Variants in NDUFA9 observed in about 807,000 individuals in gnomAD.
NDUFA9 encodes the protein NADH dehydrogenase [ubiquinone] 1 alpha subcomplex subunit 9, mitochondrial.
Under a neutral mutation model 45.9 loss-of-function variants are expected in NDUFA9, and 23 were observed. The observed-to-expected ratio is 0.50, with a 90% CI of 0.36 to 0.71. NDUFA9 has a LOEUF of 0.71. Ranked by LOEUF, NDUFA9 falls within the 30% of genes least tolerant of loss-of-function variation. The pLI, the probability that NDUFA9 is intolerant of heterozygous loss-of-function variation, is 0.00. For missense variants in NDUFA9, 466 were observed against 488.2 expected, an observed-to-expected ratio of 0.95 and a Z score of 0.43; for synonymous variants, 176 against 170.5, an observed-to-expected ratio of 1.03 and a Z score of -0.25.
chr12:4,685,118 C>T (rs1225656093), intron 9 of NDUFA9, 141 bp from the exon 10 acceptor site: 3 of 752,922 alleles, frequency 4.0e-6, no homozygotes, highest in South Asian at 1.5e-5. Context: ...CCTCACAGGT[C>T]GAGGTGGTTA....
intron 8 of NDUFA9, among the ~76,000 whole-genome samples, chr12:4,674,552 C>G (rs187597764): frequency 6.6e-6 from 1 of 152,194 alleles, no homozygotes; most frequent in African/African-American, 2.4e-5. Flanking sequence ...GACTTTAAAC[C>G]AACAAAGATC....
At chr12:4,685,481 C>A (rs1591551457) in intron 10 of NDUFA9, among the ~76,000 whole-genome samples, 156 bp downstream of exon 10, 1 of 152,160 alleles carries the variant, frequency 6.6e-6, no homozygotes, top group East Asian at 1.9e-4. Context: ...ATCCACCTGC[C>A]CTGCTCCAGG....
intron 8 of NDUFA9, among the ~76,000 whole-genome samples, chr12:4,670,635 G>C (rs963246410): frequency 6.6e-6 from 1 of 152,162 alleles, no homozygotes; most frequent in African/African-American, 2.4e-5. Flanking sequence ...ACATTGTTAT[G>C]TTCCACTATT....
intron 9 of NDUFA9, among the ~76,000 whole-genome samples, chr12:4,684,418 G>GC (rs546381222): frequency 5.8e-4 from 89 of 152,204 alleles, no homozygotes; most frequent in Middle Eastern, 3.4e-3. Context: ...CAAACCCTTG[G>GC]CCCCCCAGGA....
chr12:4,664,777 A>G (rs1281072136), intron 6 of NDUFA9, among the ~76,000 whole-genome samples: 1 of 152,238 alleles, frequency 6.6e-6, no homozygotes, highest in Non-Finnish European at 1.5e-5. Flanking sequence ...TAGGCAAAGA[A>G]GATTATTGAT....
intron 5 of NDUFA9, 44 bp from the exon 6 acceptor site, chr12:4,662,489 A>G: frequency 2.1e-6 from 3 of 1,440,242 alleles, no homozygotes; most frequent in South Asian, 2.3e-5. Flanking sequence ...TGCTTTATTC[A>G]CTTGTCTCTA....
chr12:4,668,768 G>A, intron 7 of NDUFA9: 1 of 473,336 alleles, frequency 2.1e-6, no homozygotes, highest in Admixed American at 3.5e-5. Context: ...ATGTCACTAG[G>A]GAAATAAAGA....
intron 6 of NDUFA9, 34 bp downstream of exon 6, chr12:4,662,669 A>T: frequency 6.6e-7 from 1 of 1,517,886 alleles, no homozygotes; most frequent in Non-Finnish European, 9.1e-7. Flanking sequence ...GAAGAGAGGG[A>T]TACTGATTAA....
chr12:4,670,313 A>G (rs1945878727), intron 8 of NDUFA9, among the ~76,000 whole-genome samples: 1 of 152,232 alleles, frequency 6.6e-6, no homozygotes, highest in African/African-American at 2.4e-5. Context: ...CAGTTAAGCT[A>G]TGTGGCTTAC....
intron 1 of NDUFA9, among the ~76,000 whole-genome samples, chr12:4,652,920 T>A (rs1259838450): frequency 6.6e-6 from 1 of 152,258 alleles, no homozygotes; most frequent in Non-Finnish European, 1.5e-5. Flanking sequence ...GGAAGAACAA[T>A]GACCTTTGGG....
At chr12:4,657,532 G>A (rs1591543061) in intron 3 of NDUFA9, 2 of 507,832 alleles carry the variant, frequency 3.9e-6, no homozygotes, top group East Asian at 6.8e-5. Flanking sequence ...CCTGAGTAAA[G>A]TGTACTGTTA....
chr12:4,685,165 A>G, intron 9 of NDUFA9, 94 bp from the exon 10 acceptor site: 5 of 1,086,686 alleles, frequency 4.6e-6, no homozygotes. Context: ...AGACTGCTCT[A>G]CAGCGGTCTG....
In NDUFA9 at chr12:4,669,611, G is replaced by A. The variant is rs141903411; in HGVS notation, c.724-130G>A. The A allele has an allele frequency of 4.3e-4, 267 of 618,354 alleles. No homozygotes were observed. In the African/African-American group the frequency reaches 4.6e-3, roughly 11 times the overall value. 38.3% of individuals were successfully genotyped at this position (618,354 alleles called of 1,614,324 possible). ...CTTCACATTTTCTTTGTTGAGATCA[G>A]TGTGGCCTTCCTCCTTTCTCCTTCC... is the stretch of plus-strand genomic sequence containing the variant. On this transcript the variant is annotated intron_variant, in intron 7 of 10. Transcript: ENST00000266544.
chr12:4,661,972 C>T (rs1180054189), intron 5 of NDUFA9, among the ~76,000 whole-genome samples: 1 of 152,108 alleles, frequency 6.6e-6, no homozygotes, highest in Non-Finnish European at 1.5e-5. Context: ...ATGTCACCTC[C>T]AGTGGTGGTG....
intron 8 of NDUFA9, among the ~76,000 whole-genome samples, chr12:4,680,700 A>T (rs141660116): frequency 1.3e-5 from 2 of 152,146 alleles, no homozygotes; most frequent in Non-Finnish European, 2.9e-5. Context: ...GAACCCTGCT[A>T]AGGCCTTTGT....
At chr12:4,666,262 G>GT (rs1384825067) in intron 6 of NDUFA9, among the ~76,000 whole-genome samples, 7 of 152,036 alleles carry the variant, frequency 4.6e-5, no homozygotes, top group East Asian at 3.8e-4. Context: ...AGTTGTAGGA[G>GT]TTTTTTTATT....
At chr12:4,664,831 T>C (rs1407015288) in intron 6 of NDUFA9, among the ~76,000 whole-genome samples, 1 of 152,214 alleles carries the variant, frequency 6.6e-6, no homozygotes, top group Non-Finnish European at 1.5e-5. Context: ...TGTGTGTGTG[T>C]TTTTATTAGA....
chr12:4,674,252 T>C (rs1027630355), intron 8 of NDUFA9, among the ~76,000 whole-genome samples: 16 of 152,188 alleles, frequency 1.1e-4, no homozygotes, highest in African/African-American at 3.6e-4. Context: ...ATGAAGAAAC[T>C]GCATCAACTA....
At chr12:4,674,865 A>G (rs143868708) in intron 8 of NDUFA9, among the ~76,000 whole-genome samples, 323 of 152,322 alleles carry the variant, frequency 2.1e-3, no homozygotes, top group African/African-American at 7.0e-3. Context: ...AACAGAATAT[A>G]ATTTCTTCTC....
Sources: gnomAD v4.1 joint callset for allele counts (sites outside exome capture counted in the v4.1 genomes callset) on GRCh38, gnomAD v4.1.1 for gene constraint, MANE v1.5 for transcripts, NCBI Gene and HGNC (gene_info 2026-07-23, HGNC 2026-07-21) for gene names.